Variants in SLC4A8 observed in about 807,000 individuals in gnomAD.
The protein encoded by SLC4A8 is solute carrier family 4 member 8.
SLC4A8 carries 40 observed loss-of-function variants against 125.0 expected under a neutral mutation model. The observed-to-expected ratio is 0.32, with a 90% CI of 0.25 to 0.42. The LOEUF (loss-of-function observed/expected upper bound fraction) is 0.42. Among genes scored for constraint, SLC4A8 ranks in the 10% least tolerant of loss-of-function variants. The pLI is 1.00. For missense variants in SLC4A8, 863 were observed against 1,355.1 expected (o/e 0.64, Z 5.70); for synonymous variants, 456 against 476.0 (o/e 0.96, Z 0.55).
At position 51,475,321 on chromosome 12, in the gene SLC4A8, C is replaced by T. The variant is rs1592246985; in HGVS notation, c.2172+115C>T. 3.2e-6 allele frequency: 3 copies of T among 928,270 alleles called. No individual in the cohort carries two copies. The African/African-American group carries it at 4.9e-5, about 15-fold the overall frequency. 57.5% of individuals were successfully genotyped at this position (928,270 alleles called of 1,614,324 possible). On this transcript the variant is annotated intron_variant, in intron 16 of 24. Coordinates refer to ENST00000453097, the MANE Select transcript of SLC4A8 (RefSeq NM_001039960.3). The stretch of plus-strand genomic sequence containing the variant: ...GGCCAGGTGGAGAACTCCGGATGTC[C>T]TGATGAGCCACACTGGCATTCTCTC...
At chr12:51,481,562 G>C (rs1951026891) in intron 16 of SLC4A8, among the ~76,000 whole-genome samples, 1 of 152,110 alleles carries the variant, frequency 6.6e-6, no homozygotes, top group Admixed American at 6.5e-5. Flanking sequence ...TGGGGAGACA[G>C]CAGGGGGCAG....
intron 1 of SLC4A8, among the ~76,000 whole-genome samples, chr12:51,429,404 T>G (rs1269192341): frequency 6.6e-6 from 1 of 152,142 alleles, no homozygotes; most frequent in African/African-American, 2.4e-5. Context: ...GAGACTGCAA[T>G]GAGGGAGGCC....
rs1252968253 is a variant in SLC4A8 at position 51,404,240 on chromosome 12, T to A, written c.-112+12752T>A. Among the ~76,000 whole-genome samples, 8 of 152,196 alleles carry A rather than the reference T, an allele frequency of 5.3e-5. No homozygotes were observed. The East Asian group carries it at 1.5e-3, about 29-fold the overall frequency. On this transcript the variant is annotated intron_variant, in intron 1 of 24. Coordinates refer to the SLC4A8 transcript ENST00000358657. Reference sequence around the variant, plus strand: ...AAATTGTCAGTCTGTGGAAGTTGACTCCTGACCAAATGCAAGAGAGGCTGG... The same window carrying A: ...AAATTGTCAGTCTGTGGAAGTTGACACCTGACCAAATGCAAGAGAGGCTGG...
At chr12:51,400,902 G>A (rs117275373) in intron 1 of SLC4A8, among the ~76,000 whole-genome samples, 14,318 of 146,178 alleles carry the variant, frequency 0.098, 898 homozygotes, top group Admixed American at 0.16. Context: ...TTTTAAACAG[G>A]GTCTCACTCT....
chr12:51,464,133 A>C (rs569155803), intron 11 of SLC4A8, among the ~76,000 whole-genome samples: 1 of 151,926 alleles, frequency 6.6e-6, no homozygotes, highest in African/African-American at 2.4e-5. Context: ...CCTTCCCCAC[A>C]TTACAGCCTT....
chr12:51,513,368 A>C lies in SLC4A8; in HGVS notation c.*5930A>C, dbSNP rs1938428655. The C allele has an allele frequency of 6.6e-6, 1 of 152,226 alleles. No homozygotes were observed. Among genetic ancestry groups the C allele is most frequent in the Admixed American group, 6.5e-5 (1 of 15,282 alleles). The allele number at this position is 152,226 out of a possible 1,614,324, so 9.4% of individuals were successfully genotyped here. A position where few individuals can be genotyped will look rare whatever the true frequency, so the allele number is the denominator to read the frequency against. ...ATGTGTAGAGACCTGGATTTGGGGT[A>C]GTGGGGTAGTAAACCATATATTTCC... On this transcript the variant is annotated 3_prime_UTR_variant, in exon 25 of 25. Transcript: ENST00000453097.
rs1592266701 is a variant in SLC4A8 at position 51,489,898 on chromosome 12, C to T, written c.2647C>T (p.Leu883Phe). 2 of 1,614,210 alleles carry T rather than the reference C, an allele frequency of 1.2e-6. No individual in the cohort carries two copies. Among genetic ancestry groups the T allele is most frequent in the East Asian group, 2.2e-5 (1 of 44,884 alleles). Residue 883 changes from leucine to phenylalanine, a missense_variant, in exon 19 of 25, where the codon CTT becomes TTT. Leu to Phe is a conservative substitution (Grantham distance 22). Around this residue, in one of 6 missense-constraint regions of SLC4A8, gnomAD observed 197 missense variants for 377.7 expected, o/e 0.52. Transcript: ENST00000453097. ...CATCCGAGAACAGAGAGTGACAGGC[C>T]TTATGATCTTTGTGCTGATGGGCTG... ...LGIREQRVTGLMIFVLMGCSV... is the reference protein window; with the variant it reads ...LGIREQRVTGFMIFVLMGCSV...
At chr12:51,455,105 A>AG (rs1297597620) in intron 5 of SLC4A8, among the ~76,000 whole-genome samples, 2 of 137,824 alleles carry the variant, frequency 1.5e-5, no homozygotes, top group African/African-American at 5.5e-5. Flanking sequence ...CACACGTTTC[A>AG]GAGAGCACGG....
At chr12:51,473,179 C>G (rs1277299751) in intron 14 of SLC4A8, among the ~76,000 whole-genome samples, 1 of 152,180 alleles carries the variant, frequency 6.6e-6, no homozygotes, top group Admixed American at 6.5e-5. Flanking sequence ...CTTTCACTTC[C>G]TTAAAAATCT....
At chr12:51,447,182 A>G (rs1949801466) in intron 2 of SLC4A8, among the ~76,000 whole-genome samples, 1 of 152,014 alleles carries the variant, frequency 6.6e-6, no homozygotes. Context: ...TCCTGGGCTC[A>G]GGCAATCCTA....
At chr12:51,425,184 G>T (rs917838144) in intron 1 of SLC4A8, 149 bp downstream of exon 1, 1 of 1,422,590 alleles carries the variant, frequency 7.0e-7, no homozygotes, top group East Asian at 2.6e-5. Flanking sequence ...ACCAGGGGGC[G>T]CTCCGGGCGG....
chr12:51,493,610 T>A (rs954136920), intron 19 of SLC4A8, 94 bp from the exon 20 acceptor site: 8 of 833,306 alleles, frequency 9.6e-6, no homozygotes, highest in Non-Finnish European at 1.6e-5. Flanking sequence ...TTTGTGACTT[T>A]GTTTCATTCT....
chr12:51,485,195 A>T (rs1951130915), intron 16 of SLC4A8, among the ~76,000 whole-genome samples: 1 of 152,140 alleles, frequency 6.6e-6, no homozygotes, highest in Admixed American at 6.6e-5. Flanking sequence ...GAGTGACATG[A>T]CCCAACTTAT....
At chr12:51,425,879 G>A (rs756884357) in intron 1 of SLC4A8, among the ~76,000 whole-genome samples, 2 of 152,186 alleles carry the variant, frequency 1.3e-5, no homozygotes, top group African/African-American at 2.4e-5. Context: ...AGGATCAGAC[G>A]AAGTGCTGTT....
chr12:51,462,034 G>A (rs1950341828), intron 9 of SLC4A8: 1 of 289,948 alleles, frequency 3.4e-6, no homozygotes, highest in African/African-American at 2.2e-5. Context: ...TCCATCCTTT[G>A]TGGAGATAAC....
chr12:51,489,051 C>T (rs533176755), intron 18 of SLC4A8, among the ~76,000 whole-genome samples, 191 bp downstream of exon 18: 5 of 152,292 alleles, frequency 3.3e-5, no homozygotes, highest in East Asian at 3.9e-4. Context: ...ATGAAAGCAA[C>T]GTGGACTCCA....
chr12:51,459,862 C>T, intron 7 of SLC4A8, 89 bp from the exon 8 acceptor site: 1 of 1,150,522 alleles, frequency 8.7e-7, no homozygotes, highest in South Asian at 1.4e-5. Context: ...TAGTGAGACT[C>T]TGTCTCAAAA....
At chr12:51,429,900 G>A (rs1276075901) in intron 1 of SLC4A8, among the ~76,000 whole-genome samples, 1 of 151,758 alleles carries the variant, frequency 6.6e-6, no homozygotes, top group East Asian at 1.9e-4. Flanking sequence ...CCCTACTTTG[G>A]ATTGGAACTG....
intron 1 of SLC4A8, among the ~76,000 whole-genome samples, chr12:51,426,897 A>G (rs1273235249): frequency 6.6e-6 from 1 of 150,848 alleles, no homozygotes; most frequent in Non-Finnish European, 1.5e-5. Flanking sequence ...AGGGCATGAG[A>G]GAGTAAATGA....
Sources: allele counts gnomAD v4.1 joint callset (sites outside exome capture counted in the v4.1 genomes callset), GRCh38; gene constraint gnomAD v4.1.1; regional missense constraint gnomAD v4.1.1; transcripts MANE v1.5; gene names NCBI Gene and HGNC (gene_info 2026-07-23, HGNC 2026-07-21).